Variants in ZNF385D observed in about 807,000 individuals in gnomAD.
ZNF385D encodes zinc finger protein 385D, also known as zinc finger protein 659.
Under a neutral mutation model 35.8 loss-of-function variants are expected in ZNF385D, and 15 were observed. The observed-to-expected ratio is 0.42, with a 90% CI of 0.28 to 0.64. ZNF385D has a LOEUF of 0.64. Ranked by LOEUF, ZNF385D falls within the 30% of genes least tolerant of loss-of-function variation. The pLI is 0.23. For synonymous variants in ZNF385D, 212 were observed against 186.8 expected (o/e 1.13, Z -1.10); for missense variants, 474 against 494.6 (o/e 0.96, Z 0.39).
At chr3:22,372,050 AAGAC>A (rs559442792) in intron 2 of ZNF385D, among the ~76,000 whole-genome samples, 21 of 152,164 alleles carry the variant, frequency 1.4e-4, no homozygotes, top group South Asian at 1.2e-3. Context: ...CACCCAATGA[AAGAC>A]AGACAGCAGG....
chr3:21,578,795 T>C (rs895980972), intron 2 of ZNF385D, among the ~76,000 whole-genome samples: 1 of 152,186 alleles, frequency 6.6e-6, no homozygotes, highest in African/African-American at 2.4e-5. Flanking sequence ...CTTTTTGTTC[T>C]GCATTGCTTT....
chr3:22,122,340 T>C (rs1703134392), intron 3 of ZNF385D, among the ~76,000 whole-genome samples: 1 of 152,148 alleles, frequency 6.6e-6, no homozygotes, highest in Non-Finnish European at 1.5e-5. Context: ...TTTTTTCCAC[T>C]GTAATTGATT....
chr3:21,778,538 A>G (rs889381245), intron 3 of ZNF385D, among the ~76,000 whole-genome samples: 4 of 151,868 alleles, frequency 2.6e-5, no homozygotes, highest in African/African-American at 9.7e-5. Flanking sequence ...CAGAGAAACA[A>G]TTCTGATTCA....
intron 3 of ZNF385D, among the ~76,000 whole-genome samples, chr3:21,790,657 C>A (rs2071890417): frequency 1.3e-5 from 2 of 152,092 alleles, no homozygotes; most frequent in African/African-American, 2.4e-5. Flanking sequence ...GGACTTCATA[C>A]CCAGCATATG....
intron 3 of ZNF385D, among the ~76,000 whole-genome samples, chr3:21,515,394 C>T (rs1983039): frequency 6.6e-6 from 1 of 151,974 alleles, no homozygotes; most frequent in African/African-American, 2.4e-5. Context: ...ATCCAATAAC[C>T]ATAACCAATT....
At chr3:21,732,164 C>T (rs551770659) in intron 1 of ZNF385D, among the ~76,000 whole-genome samples, 1 of 150,772 alleles carries the variant, frequency 6.6e-6, no homozygotes, top group East Asian at 2.0e-4. Flanking sequence ...ATTCTCCTGC[C>T]TCAGCCTCCC....
intron 4 of ZNF385D, among the ~76,000 whole-genome samples, chr3:21,461,088 G>A (rs889253183): frequency 1.3e-5 from 2 of 152,120 alleles, no homozygotes; most frequent in Admixed American, 6.6e-5. Flanking sequence ...GCAGTGCCAA[G>A]ACCACAATAT....
intron 2 of ZNF385D, among the ~76,000 whole-genome samples, chr3:22,285,302 T>C (rs768513877): frequency 1.4e-4 from 22 of 152,174 alleles, no homozygotes; most frequent in Non-Finnish European, 2.2e-4. Context: ...TTTAACTTCA[T>C]GTATCCATTT....
At chr3:21,551,798 G>C (rs1217473904) in intron 3 of ZNF385D, among the ~76,000 whole-genome samples, 1 of 152,026 alleles carries the variant, frequency 6.6e-6, no homozygotes, top group African/African-American at 2.4e-5. Context: ...AAAAATGCAA[G>C]CAATATTAAT....
chr3:21,425,439 G>A (rs1322420636), intron 6 of ZNF385D, 53 bp downstream of exon 6: 5 of 1,493,270 alleles, frequency 3.3e-6, no homozygotes, highest in Non-Finnish European at 3.6e-6. Flanking sequence ...CACACATCCT[G>A]CTTATAAGGC....
At chr3:22,066,474 G>GT in intron 3 of ZNF385D, among the ~76,000 whole-genome samples, 1 of 124,604 alleles carries the variant, frequency 8.0e-6, no homozygotes, top group East Asian at 2.7e-4. Flanking sequence ...GTGTGTGTGT[G>GT]TGTGTGTGTG....
At chr3:22,230,069 G>A (rs577532200) in intron 2 of ZNF385D, among the ~76,000 whole-genome samples, 4 of 152,294 alleles carry the variant, frequency 2.6e-5, no homozygotes, top group South Asian at 4.1e-4. Flanking sequence ...TCTGTGCCCA[G>A]TAAAAATCCT....
intron 3 of ZNF385D, among the ~76,000 whole-genome samples, chr3:21,855,905 AGGTGG>A (rs1696686946): frequency 6.6e-6 from 1 of 151,956 alleles, no homozygotes; most frequent in African/African-American, 2.4e-5. Context: ...AGGTTTTTAG[AGGTGG>A]TAGCTAATAA....
At chr3:22,101,203 A>C (rs1384360504) in intron 3 of ZNF385D, among the ~76,000 whole-genome samples, 2 of 152,120 alleles carry the variant, frequency 1.3e-5, no homozygotes, top group African/African-American at 4.8e-5. Context: ...TTAAGAGATA[A>C]AAAGCACCAA....
At chr3:22,240,930 G>C (rs1039196058) in intron 2 of ZNF385D, among the ~76,000 whole-genome samples, 2 of 150,838 alleles carry the variant, frequency 1.3e-5, no homozygotes, top group African/African-American at 4.9e-5. Context: ...TATCAAAGTG[G>C]AAGTATTAAT....
chr3:21,811,006 A>ATG (rs1559645622), intron 3 of ZNF385D, among the ~76,000 whole-genome samples: 1 of 150,372 alleles, frequency 6.7e-6, no homozygotes, highest in Non-Finnish European at 1.5e-5. Flanking sequence ...GTGTATATAT[A>ATG]TATACATTTT....
chr3:22,178,728 G>A (rs1303806253), intron 2 of ZNF385D, among the ~76,000 whole-genome samples: 6 of 152,262 alleles, frequency 3.9e-5, no homozygotes, highest in African/African-American at 1.4e-4. Context: ...GGTCTAACAT[G>A]TAAGTCTTTA....
chr3:21,710,422 AT>A (rs1360085367), intron 1 of ZNF385D, among the ~76,000 whole-genome samples: 3 of 152,134 alleles, frequency 2.0e-5, no homozygotes, highest in African/African-American at 7.2e-5. Flanking sequence ...TTTATTTTTT[AT>A]AAAGTTCAAC....
intron 3 of ZNF385D, among the ~76,000 whole-genome samples, chr3:22,042,471 G>A (rs1413122307): frequency 6.6e-6 from 1 of 152,232 alleles, no homozygotes; most frequent in East Asian, 1.9e-4. Context: ...AAAACATATG[G>A]TAGGTTGAGC....
Sources: gnomAD v4.1 joint callset for allele counts (sites outside exome capture counted in the v4.1 genomes callset) on GRCh38, gnomAD v4.1.1 for gene constraint, MANE v1.5 for transcripts, NCBI Gene and HGNC (gene_info 2026-07-23, HGNC 2026-07-21) for gene names.